The following ADAMTS17 variants were observed in gnomAD, a reference collection of about 807,000 sequenced individuals.
ADAMTS17 encodes the protein ADAM metallopeptidase with thrombospondin type 1 motif 17.
Under a neutral mutation model 141.5 loss-of-function variants are expected in ADAMTS17, and 113 were observed. The ratio of observed to expected loss-of-function variants is 0.80; its 90% CI spans 0.69 to 0.93. ADAMTS17 has a LOEUF of 0.93. Ranked by LOEUF, ADAMTS17 falls within the 40% of genes least tolerant of loss-of-function variation. ADAMTS17 has a pLI of 0.00. For missense variants in ADAMTS17, 1,659 were observed against 1,517.9 expected, an observed-to-expected ratio of 1.09 and a Z score of -1.54; for synonymous variants, 768 against 630.6, an observed-to-expected ratio of 1.22 and a Z score of -3.27.
At chr15:99,976,248 G>C in intron 20 of ADAMTS17, 26 bp from the exon 21 acceptor site, 1 of 1,539,530 alleles carries the variant, frequency 6.5e-7, no homozygotes, top group Non-Finnish European at 8.7e-7. Context: ...AGCCTGAGTG[G>C]GGCTGACATG....
At position 99,977,385 on chromosome 15, in the gene ADAMTS17, TATATATATATATATA is replaced by T. The variant is rs1438582948; in HGVS notation, c.2950-1178_2950-1164del. On this transcript the variant is annotated intron_variant, in intron 20 of 21. Coordinates refer to ENST00000268070, the MANE Select transcript of ADAMTS17 (RefSeq NM_139057.4). Reference sequence around the variant, plus strand: ...ATATATATATATATATATATATATATATATATATATATATAATTTTTTTTTTTTTTTTTTTTTTTT... The same window carrying T: ...ATATATATATATATATATATATATATATTTTTTTTTTTTTTTTTTTTTTTT... Among the ~76,000 whole-genome samples the T allele has an allele frequency of 5.1e-4, 9 of 17,642 alleles. 1 individual carries two copies. The highest frequency in any genetic ancestry group is 7.0e-4 in the African/African-American group (3 of 4,270). The allele number at this position is 17,642 out of a possible 152,430, so 11.6% of individuals were successfully genotyped here.
chr15:100,211,161 G>T (rs1230530705), intron 7 of ADAMTS17, among the ~76,000 whole-genome samples: 1 of 145,560 alleles, frequency 6.9e-6, no homozygotes, highest in Admixed American at 6.9e-5. Flanking sequence ...AATTAGCAGG[G>T]CATGGTGGCC....
At chr15:100,206,122 C>T (rs537188348) in intron 7 of ADAMTS17, among the ~76,000 whole-genome samples, 4 of 152,354 alleles carry the variant, frequency 2.6e-5, no homozygotes, top group African/African-American at 9.6e-5. Context: ...CGGCGGGCGG[C>T]ACCGTGAATG....
intron 1 of ADAMTS17, 26 bp from the exon 2 acceptor site, chr15:100,341,435 G>A: frequency 9.9e-7 from 1 of 1,012,882 alleles, no homozygotes; most frequent in East Asian, 9.6e-5. Flanking sequence ...AGACGCGTCA[G>A]CGCGGCGGGG....
chr15:100,252,561 G>A (rs557033851), intron 7 of ADAMTS17, among the ~76,000 whole-genome samples: 1 of 152,208 alleles, frequency 6.6e-6, no homozygotes, highest in Non-Finnish European at 1.5e-5. Context: ...TGAACCCCAG[G>A]AAAGAGCAGC....
chr15:100,173,750 GA>G (rs1164185927), intron 8 of ADAMTS17, among the ~76,000 whole-genome samples: 3 of 152,172 alleles, frequency 2.0e-5, no homozygotes, highest in Non-Finnish European at 4.4e-5. Flanking sequence ...CATCACTTGG[GA>G]AACTTTTAAC....
chr15:100,007,914 G>A (rs1364629767), intron 18 of ADAMTS17, among the ~76,000 whole-genome samples: 2 of 152,162 alleles, frequency 1.3e-5, no homozygotes, highest in Non-Finnish European at 2.9e-5. Context: ...TTGGAGGGCA[G>A]GGGCTTGGGG....
chr15:100,341,692 C>A (rs1391472087), intron 1 of ADAMTS17, 129 bp downstream of exon 1: 1 of 1,221,624 alleles, frequency 8.2e-7, no homozygotes, highest in Non-Finnish European at 1.1e-6. Context: ...GGCCGCGGCC[C>A]GCGCCTCCTC....
At chr15:100,277,074 G>C (rs1347763954) in intron 4 of ADAMTS17, among the ~76,000 whole-genome samples, 1 of 152,094 alleles carries the variant, frequency 6.6e-6, no homozygotes, top group Non-Finnish European at 1.5e-5. Flanking sequence ...TTCTGGCTTG[G>C]ATCAAAAGGC....
intron 8 of ADAMTS17, among the ~76,000 whole-genome samples, chr15:100,167,222 T>C (rs1158462598): frequency 6.6e-6 from 1 of 152,128 alleles, no homozygotes; most frequent in Non-Finnish European, 1.5e-5. Context: ...TCATTGGATA[T>C]CATCATAGCA....
At chr15:100,083,917 G>A (rs1050280664) in intron 15 of ADAMTS17, among the ~76,000 whole-genome samples, 4 of 151,946 alleles carry the variant, frequency 2.6e-5, no homozygotes, top group Non-Finnish European at 4.4e-5. Flanking sequence ...CAGTGTGAGC[G>A]ATGAAGAAGA....
intron 4 of ADAMTS17, among the ~76,000 whole-genome samples, chr15:100,265,454 C>G (rs1047122705): frequency 2.6e-5 from 4 of 152,214 alleles, no homozygotes; most frequent in African/African-American, 9.7e-5. Flanking sequence ...GGCGGCATCC[C>G]AGCAAGTGTT....
chr15:100,220,554 G>C (rs939013886), intron 7 of ADAMTS17, among the ~76,000 whole-genome samples: 13 of 152,156 alleles, frequency 8.5e-5, no homozygotes, highest in African/African-American at 3.1e-4. Flanking sequence ...CCCCTTTGAA[G>C]TATATGCTTC....
intron 12 of ADAMTS17, among the ~76,000 whole-genome samples, chr15:100,118,173 T>C (rs1373469584): frequency 8.5e-5 from 13 of 152,234 alleles, no homozygotes; most frequent in Admixed American, 6.5e-4. Context: ...GTGGGCCAAA[T>C]AGTCTCCAAC....
chr15:100,054,409 G>A (rs2032394831), intron 15 of ADAMTS17, among the ~76,000 whole-genome samples: 1 of 152,190 alleles, frequency 6.6e-6, no homozygotes, highest in African/African-American at 2.4e-5. Flanking sequence ...AACTTATCCA[G>A]CAGATGGTTT....
intron 15 of ADAMTS17, among the ~76,000 whole-genome samples, chr15:100,063,920 C>T (rs992051487): frequency 6.6e-6 from 1 of 152,138 alleles, no homozygotes. Context: ...CAGGACCTCC[C>T]AGTGGCCCCA....
At chr15:100,159,083 A>C (rs930441109) in intron 8 of ADAMTS17, among the ~76,000 whole-genome samples, 1 of 152,244 alleles carries the variant, frequency 6.6e-6, no homozygotes, top group Non-Finnish European at 1.5e-5. Context: ...AAAAATTAAA[A>C]ATAAAACTAC....
chr15:100,133,501 A>C (rs2038165659), intron 10 of ADAMTS17, among the ~76,000 whole-genome samples, 186 bp from the exon 11 acceptor site: 1 of 152,180 alleles, frequency 6.6e-6, no homozygotes, highest in African/African-American at 2.4e-5. Context: ...CATTTAGCTC[A>C]ACAAAATTCT....
chr15:100,340,172 G>C (rs912703840), intron 2 of ADAMTS17, among the ~76,000 whole-genome samples: 1 of 152,206 alleles, frequency 6.6e-6, no homozygotes, highest in African/African-American at 2.4e-5. Context: ...TGCGGCTTTC[G>C]GGGCACGATG....
Sources: gnomAD v4.1 joint callset for allele counts (sites outside exome capture counted in the v4.1 genomes callset) on GRCh38, gnomAD v4.1.1 for gene constraint, MANE v1.5 for transcripts, NCBI Gene and HGNC (gene_info 2026-07-23, HGNC 2026-07-21) for gene names.